The following CCSER1 variants were observed in gnomAD, a reference collection of about 807,000 sequenced individuals.
CCSER1 encodes coiled-coil serine rich protein 1.
A neutral mutation model predicts 82.0 loss-of-function variants in CCSER1; 41 were observed. The observed-to-expected ratio is 0.50, with a 90% CI of 0.39 to 0.65. CCSER1 has a LOEUF of 0.65. Among genes scored for constraint, CCSER1 ranks in the 30% least tolerant of loss-of-function variants. The pLI, the probability that CCSER1 is intolerant of heterozygous loss-of-function variation, is 0.00. For missense variants in CCSER1, 1,119 were observed against 1,064.2 expected (o/e 1.05, Z -0.72); for synonymous variants, 414 against 383.9 (o/e 1.08, Z -0.92).
chr4:90,789,748 C>T (rs961663381), intron 7 of CCSER1, among the ~76,000 whole-genome samples: 2 of 152,168 alleles, frequency 1.3e-5, no homozygotes, highest in African/African-American at 4.8e-5. Flanking sequence ...CTTGCTCCTC[C>T]TTGCCTTCTA....
At chr4:90,257,740 T>G (rs946893219) in intron 1 of CCSER1, among the ~76,000 whole-genome samples, 1 of 152,116 alleles carries the variant, frequency 6.6e-6, no homozygotes, top group African/African-American at 2.4e-5. Context: ...GAGAGTCAAT[T>G]ACATAGTTCC....
At chr4:91,357,069 G>A (rs905174068) in intron 10 of CCSER1, among the ~76,000 whole-genome samples, 1 of 152,090 alleles carries the variant, frequency 6.6e-6, no homozygotes, top group Non-Finnish European at 1.5e-5. Context: ...TTTGTATCTT[G>A]GTATGCTGTC....
intron 9 of CCSER1, among the ~76,000 whole-genome samples, chr4:90,988,076 G>A (rs1453042479): frequency 2.0e-5 from 3 of 151,476 alleles, no homozygotes; most frequent in Non-Finnish European, 4.4e-5. Context: ...CAACACTTTG[G>A]GAGGCTGAAG....
At chr4:91,557,418 A>G (rs1443078537) in intron 10 of CCSER1, among the ~76,000 whole-genome samples, 1 of 151,512 alleles carries the variant, frequency 6.6e-6, no homozygotes, top group Non-Finnish European at 1.5e-5. Flanking sequence ...TTTACTGAAT[A>G]TCTTCTATGT....
intron 7 of CCSER1, among the ~76,000 whole-genome samples, chr4:90,807,191 G>T (rs1210121161): frequency 6.6e-5 from 10 of 152,028 alleles, no homozygotes; most frequent in Non-Finnish European, 1.5e-5. Context: ...CTCTCTGATT[G>T]TAAGAATCAT....
intron 10 of CCSER1, among the ~76,000 whole-genome samples, chr4:91,499,849 G>A (rs1458864970): frequency 6.6e-6 from 1 of 151,830 alleles, no homozygotes; most frequent in Non-Finnish European, 1.5e-5. Flanking sequence ...TCCCTTTCTG[G>A]ATGTGCTACA....
chr4:91,470,247 C>T (rs1017808234), intron 10 of CCSER1, among the ~76,000 whole-genome samples: 7 of 152,126 alleles, frequency 4.6e-5, no homozygotes, highest in Non-Finnish European at 1.0e-4. Context: ...AGATTGTAGA[C>T]ATTTAACATT....
chr4:90,391,445 T>C (rs1369437774), intron 3 of CCSER1, among the ~76,000 whole-genome samples: 2 of 8,844 alleles, frequency 2.3e-4, no homozygotes, highest in African/African-American at 6.3e-4. Flanking sequence ...TATATGGGGG[T>C]ATATATATAT....
intron 5 of CCSER1, among the ~76,000 whole-genome samples, chr4:90,490,389 T>G (rs543891261): frequency 3.3e-5 from 5 of 152,316 alleles, no homozygotes; most frequent in African/African-American, 1.2e-4. Context: ...TTCTTGTAAA[T>G]TTGTTTGAGT....
intron 4 of CCSER1, among the ~76,000 whole-genome samples, chr4:90,428,601 G>A (rs1757850806): frequency 6.6e-6 from 1 of 151,790 alleles, no homozygotes; most frequent in Non-Finnish European, 1.5e-5. Context: ...TTAAGTAGAA[G>A]TGGATCATCA....
chr4:90,639,081 T>A (rs1431940690), intron 6 of CCSER1, among the ~76,000 whole-genome samples: 1 of 152,068 alleles, frequency 6.6e-6, no homozygotes, highest in Non-Finnish European at 1.5e-5. Flanking sequence ...GCCACTGCAG[T>A]GATCTTACTT....
chr4:91,273,744 C>A (rs1488100299), intron 10 of CCSER1, among the ~76,000 whole-genome samples: 1 of 152,106 alleles, frequency 6.6e-6, no homozygotes, highest in Admixed American at 6.5e-5. Flanking sequence ...GTGGGTTTGT[C>A]ATAGATGGCT....
chr4:90,483,835 C>A (rs1470591630), intron 5 of CCSER1, among the ~76,000 whole-genome samples: 10 of 152,160 alleles, frequency 6.6e-5, no homozygotes, highest in African/African-American at 2.2e-4. Flanking sequence ...ATTGGTGAAT[C>A]TGACAATTAT....
chr4:90,550,953 T>A (rs1777401448), intron 5 of CCSER1, among the ~76,000 whole-genome samples: 1 of 152,170 alleles, frequency 6.6e-6, no homozygotes, highest in African/African-American at 2.4e-5. Flanking sequence ...TGAATACTTT[T>A]ATTCTTGAGT....
At chr4:90,934,732 G>C (rs1425175663) in intron 9 of CCSER1, among the ~76,000 whole-genome samples, 1 of 152,156 alleles carries the variant, frequency 6.6e-6, no homozygotes, top group Non-Finnish European at 1.5e-5. Context: ...GGGAGTTCGA[G>C]ACCAGCCTGA....
At chr4:90,153,067 G>T (rs1727214926) in intron 1 of CCSER1, among the ~76,000 whole-genome samples, 1 of 125,864 alleles carries the variant, frequency 7.9e-6, no homozygotes, top group Non-Finnish European at 1.6e-5. Context: ...CCCAGAGTGT[G>T]ATGTTCCCCT....
intron 5 of CCSER1, among the ~76,000 whole-genome samples, chr4:90,511,493 A>G (rs28478467): frequency 0.082 from 12,419 of 152,272 alleles, 616 homozygotes; most frequent in African/African-American, 0.12. Context: ...TGCTATTCGA[A>G]TGAGTTCAGA....
chr4:91,584,347 C>A (rs766725848), intron 10 of CCSER1, among the ~76,000 whole-genome samples: 1 of 151,480 alleles, frequency 6.6e-6, no homozygotes, highest in Non-Finnish European at 1.5e-5. Flanking sequence ...GGCATGGTTT[C>A]TCAGACTCAT....
chr4:91,557,293 C>A (rs1427344082), intron 10 of CCSER1, among the ~76,000 whole-genome samples: 1 of 151,284 alleles, frequency 6.6e-6, no homozygotes, highest in Non-Finnish European at 1.5e-5. Flanking sequence ...TATAATAGCT[C>A]CTGGAATTGA....
Sources: gnomAD v4.1 joint callset for allele counts (sites outside exome capture counted in the v4.1 genomes callset) on GRCh38, gnomAD v4.1.1 for gene constraint, MANE v1.5 for transcripts, NCBI Gene and HGNC (gene_info 2026-07-23, HGNC 2026-07-21) for gene names.